The following RBFOX1 variants were observed in gnomAD, a reference collection of about 807,000 sequenced individuals.
RBFOX1 encodes the protein RNA binding protein fox-1 homolog 1.
In RBFOX1, 8 loss-of-function variants were observed where a neutral mutation model predicts 57.7. The observed-to-expected ratio is 0.14, with a 90% CI of 0.08 to 0.25. The LOEUF is 0.25. Among genes scored for constraint, RBFOX1 ranks in the 10% least tolerant of loss-of-function variants. The pLI is 1.00. For missense variants in RBFOX1, 611 were observed against 548.5 expected (o/e 1.11, Z -1.14); for synonymous variants, 326 against 222.4 (o/e 1.47, Z -4.15).
At chr16:5,913,275 T>C (rs1354716276) in intron 4 of RBFOX1, among the ~76,000 whole-genome samples, 3 of 152,218 alleles carry the variant, frequency 2.0e-5, no homozygotes, top group African/African-American at 7.2e-5. Flanking sequence ...CTACCATGTA[T>C]GGGTTGTTTC....
chr16:5,253,240 C>T (rs111572284), intron 1 of RBFOX1, among the ~76,000 whole-genome samples: 1 of 152,012 alleles, frequency 6.6e-6, no homozygotes, highest in Non-Finnish European at 1.5e-5. Flanking sequence ...GTCTCTGCCT[C>T]CCGGGTTCAA....
intron 2 of RBFOX1, among the ~76,000 whole-genome samples, chr16:6,503,876 C>G (rs555030174): frequency 1.3e-5 from 2 of 152,162 alleles, no homozygotes; most frequent in African/African-American, 4.8e-5. Flanking sequence ...CTCTTTAAGG[C>G]AAGCCATGCA....
Position 6,633,344 on chromosome 16 carries a change from C to T in RBFOX1, c.-63-21259C>T, listed in dbSNP as rs150283343. ...CCAGGCTGGAATGCAGCGGCACGAT[C>T]TTGGCTCACTGCAACCTCCTCCTCC... On this transcript the variant is annotated intron_variant, in intron 2 of 15. Transcript: ENST00000550418. Among the ~76,000 whole-genome samples, 1,266 of 152,308 alleles carry T rather than the reference C, an allele frequency of 8.3e-3. 6 individuals carry two copies. Among genetic ancestry groups the T allele is most frequent in the South Asian group, 0.011 (53 of 4,830 alleles).
At chr16:7,081,656 T>C (rs1301430897) in intron 4 of RBFOX1, among the ~76,000 whole-genome samples, 2 of 152,154 alleles carry the variant, frequency 1.3e-5, no homozygotes, top group African/African-American at 4.8e-5. Context: ...ATCTCAAGAG[T>C]TGGGTAGTCA....
chr16:7,476,257 G>A (rs2151074161), intron 4 of RBFOX1, among the ~76,000 whole-genome samples: 1 of 152,334 alleles, frequency 6.6e-6, no homozygotes, highest in Middle Eastern at 3.4e-3. Flanking sequence ...ACAGGCATGA[G>A]CCATAACTTC....
At chr16:6,112,902 C>T (rs17802395) in intron 1 of RBFOX1, among the ~76,000 whole-genome samples, 20,407 of 152,122 alleles carry the variant, frequency 0.13, 1,538 homozygotes, top group Admixed American at 0.24. Context: ...TTTGCTACAT[C>T]AGCTTTTAAG....
chr16:6,693,421 T>A (rs1212306726), intron 3 of RBFOX1, among the ~76,000 whole-genome samples: 1 of 149,988 alleles, frequency 6.7e-6, no homozygotes, highest in Non-Finnish European at 1.5e-5. Flanking sequence ...ATCACCACTA[T>A]CATTATCAAC....
chr16:6,696,760 G>A (rs904973494), intron 3 of RBFOX1, among the ~76,000 whole-genome samples: 5 of 151,942 alleles, frequency 3.3e-5, no homozygotes, highest in African/African-American at 1.2e-4. Context: ...GCAGTTTGCT[G>A]TGCCTGTGTT....
intron 4 of RBFOX1, among the ~76,000 whole-genome samples, chr16:7,379,423 C>G (rs1596949092): frequency 6.6e-6 from 1 of 152,242 alleles, no homozygotes; most frequent in Middle Eastern, 3.4e-3. Context: ...CAATGGAATA[C>G]TAGAAAGCAG....
intron 4 of RBFOX1, among the ~76,000 whole-genome samples, chr16:7,259,713 T>C (rs1211347483): frequency 6.6e-6 from 1 of 152,192 alleles, no homozygotes; most frequent in East Asian, 1.9e-4. Context: ...CATCACTCAC[T>C]TAGTCATGAA....
chr16:6,665,791 T>A (rs769816093), intron 3 of RBFOX1, among the ~76,000 whole-genome samples: 1 of 152,216 alleles, frequency 6.6e-6, no homozygotes, highest in Admixed American at 6.5e-5. Flanking sequence ...TATTCTATTA[T>A]TGAATCCTTA....
chr16:6,103,383 C>G (rs1285297267), intron 1 of RBFOX1, among the ~76,000 whole-genome samples: 5 of 152,040 alleles, frequency 3.3e-5, no homozygotes, highest in Admixed American at 6.5e-5. Context: ...TGTAAGATAT[C>G]TAACATATGT....
At chr16:5,295,642 C>A (rs569398737) in intron 1 of RBFOX1, among the ~76,000 whole-genome samples, 1 of 152,310 alleles carries the variant, frequency 6.6e-6, no homozygotes, top group African/African-American at 2.4e-5. Context: ...TCTGGCCGCT[C>A]ATGACATGGC....
At chr16:6,768,810 C>T (rs149589395) in intron 3 of RBFOX1, among the ~76,000 whole-genome samples, 23 of 150,990 alleles carry the variant, frequency 1.5e-4, no homozygotes, top group African/African-American at 5.1e-4. Flanking sequence ...CTCACTGCAA[C>T]CTCTGTCTGC....
At chr16:5,588,939 C>G (rs1375970225) in intron 2 of RBFOX1, among the ~76,000 whole-genome samples, 1 of 152,064 alleles carries the variant, frequency 6.6e-6, no homozygotes, top group Non-Finnish European at 1.5e-5. Flanking sequence ...CTGGCTTTTG[C>G]AGAAACAAAG....
chr16:6,435,772 G>T (rs917548603), intron 2 of RBFOX1, among the ~76,000 whole-genome samples: 1 of 152,128 alleles, frequency 6.6e-6, no homozygotes, highest in Non-Finnish European at 1.5e-5. Flanking sequence ...ATTGATTGGG[G>T]TCTAGATTGT....
At chr16:6,742,892 G>T (rs143845931) in intron 3 of RBFOX1, among the ~76,000 whole-genome samples, 1 of 152,248 alleles carries the variant, frequency 6.6e-6, no homozygotes, top group East Asian at 1.9e-4. Flanking sequence ...AATTAGTTCT[G>T]TATTGTATTG....
chr16:7,246,362 G>C (rs1389414600), intron 4 of RBFOX1, among the ~76,000 whole-genome samples: 2 of 152,142 alleles, frequency 1.3e-5, no homozygotes, highest in Admixed American at 6.5e-5. Context: ...CCACAGCAAA[G>C]CAGCCATGGA....
At chr16:5,476,430 C>G (rs1250888934) in intron 2 of RBFOX1, among the ~76,000 whole-genome samples, 1 of 152,150 alleles carries the variant, frequency 6.6e-6, no homozygotes, top group Non-Finnish European at 1.5e-5. Context: ...CTCTAGAACA[C>G]AGTCGTTCTC....
Sources: allele counts gnomAD v4.1 joint callset (sites outside exome capture counted in the v4.1 genomes callset), GRCh38; gene constraint gnomAD v4.1.1; transcripts MANE v1.5; gene names NCBI Gene and HGNC (gene_info 2026-07-23, HGNC 2026-07-21).